The following ENOX1 variants were observed in gnomAD, a reference collection of about 807,000 sequenced individuals.
ENOX1 encodes the protein ecto-NOX disulfide-thiol exchanger 1, also known as candidate growth-related and time keeping constitutive hydroquinone (NADH) oxidase.
Under a neutral mutation model 82.5 loss-of-function variants are expected in ENOX1, and 42 were observed. The ratio of observed to expected loss-of-function variants is 0.51; its 90% CI spans 0.40 to 0.66. ENOX1 has a LOEUF of 0.66. Among genes scored for constraint, ENOX1 ranks in the 30% least tolerant of loss-of-function variants. The pLI, the probability that ENOX1 is intolerant of heterozygous loss-of-function variation, is 0.00. For synonymous variants in ENOX1, 271 were observed against 282.2 expected, an observed-to-expected ratio of 0.96 and a Z score of 0.40; for missense variants, 608 against 811.6, an observed-to-expected ratio of 0.75 and a Z score of 3.05.
At chr13:43,454,957 C>A (rs1451412576) in intron 3 of ENOX1, among the ~76,000 whole-genome samples, 1 of 151,994 alleles carries the variant, frequency 6.6e-6, no homozygotes, top group Admixed American at 6.5e-5. Flanking sequence ...GCCAGCTGCC[C>A]ACCTGTTGTC....
chr13:43,321,176 A>T, intron 11 of ENOX1: 1 of 456,242 alleles, frequency 2.2e-6, no homozygotes, highest in African/African-American at 2.0e-5. Context: ...TTTGGCATGC[A>T]TCAGAATTTC....
At chr13:43,756,761 T>C (rs1291073729) in intron 1 of ENOX1, among the ~76,000 whole-genome samples, 3 of 152,114 alleles carry the variant, frequency 2.0e-5, no homozygotes, top group Non-Finnish European at 2.9e-5. Context: ...GTCTGCATTA[T>C]GCATGTTACA....
At chr13:43,735,053 A>G (rs1339502441) in intron 1 of ENOX1, among the ~76,000 whole-genome samples, 1 of 152,220 alleles carries the variant, frequency 6.6e-6, no homozygotes, top group African/African-American at 2.4e-5. Context: ...TGTGCTTCAG[A>G]TATCCCAACT....
At chr13:43,593,357 G>T (rs944984052) in intron 2 of ENOX1, among the ~76,000 whole-genome samples, 4 of 152,120 alleles carry the variant, frequency 2.6e-5, no homozygotes, top group Non-Finnish European at 5.9e-5. Flanking sequence ...GAGGGTGAGT[G>T]GGGAGAGAGT....
At chr13:43,575,717 G>C (rs922782847) in intron 2 of ENOX1, among the ~76,000 whole-genome samples, 5 of 152,138 alleles carry the variant, frequency 3.3e-5, no homozygotes, top group African/African-American at 9.7e-5. Context: ...TAGATTCCTC[G>C]GTAATTTAGC....
At chr13:43,274,530 T>C (rs985645379) in intron 12 of ENOX1, among the ~76,000 whole-genome samples, 5 of 152,256 alleles carry the variant, frequency 3.3e-5, no homozygotes, top group African/African-American at 1.2e-4. Flanking sequence ...GTCTCTATAA[T>C]ATTCTTTCCA....
At chr13:43,352,872 C>T (rs140305631) in intron 8 of ENOX1, among the ~76,000 whole-genome samples, 112 of 152,302 alleles carry the variant, frequency 7.4e-4, no homozygotes, top group African/African-American at 2.6e-3. Context: ...TCCCCTGTGA[C>T]AGCACTGTGC....
At chr13:43,380,027 A>T (rs1213589245) in intron 5 of ENOX1, among the ~76,000 whole-genome samples, 5 of 151,246 alleles carry the variant, frequency 3.3e-5, no homozygotes, top group Admixed American at 6.6e-5. Context: ...AACTGAAATT[A>T]AAAAAAAATC....
chr13:43,249,530 G>T (rs990560713), intron 14 of ENOX1, among the ~76,000 whole-genome samples: 8 of 152,136 alleles, frequency 5.3e-5, no homozygotes, highest in African/African-American at 1.9e-4. Context: ...TGCTGGTAAA[G>T]ATTAATTTTA....
intron 2 of ENOX1, among the ~76,000 whole-genome samples, chr13:43,612,699 T>C (rs933877098): frequency 2.0e-5 from 3 of 152,182 alleles, no homozygotes; most frequent in Non-Finnish European, 4.4e-5. Flanking sequence ...TTCTCATAAA[T>C]TGTTCTTAGT....
chr13:43,668,412 C>T (rs1594334642), intron 1 of ENOX1, among the ~76,000 whole-genome samples: 1 of 152,158 alleles, frequency 6.6e-6, no homozygotes, highest in African/African-American at 2.4e-5. Flanking sequence ...ATCACAATTC[C>T]TCTATTATAA....
At chr13:43,347,091 T>A (rs1200846850) in intron 8 of ENOX1, among the ~76,000 whole-genome samples, 1 of 152,120 alleles carries the variant, frequency 6.6e-6, no homozygotes, top group Non-Finnish European at 1.5e-5. Context: ...GTCGCTTAGT[T>A]CATAAATAGA....
intron 3 of ENOX1, among the ~76,000 whole-genome samples, chr13:43,460,669 C>G (rs1214143075): frequency 6.6e-6 from 1 of 151,906 alleles, no homozygotes; most frequent in East Asian, 1.9e-4. Context: ...TGGCGGGCAC[C>G]TGTAGTTCCA....
At chr13:43,286,889 C>T (rs1377831466) in intron 12 of ENOX1, among the ~76,000 whole-genome samples, 2 of 152,092 alleles carry the variant, frequency 1.3e-5, no homozygotes, top group Admixed American at 6.6e-5. Context: ...TGGGTTTTTG[C>T]CAGTAATATT....
At position 43,470,315 on chromosome 13, in the gene ENOX1, TAC is replaced by T. The variant is rs1205932709; in HGVS notation, c.-75+13692_-75+13693del. 6.2e-4 allele frequency among the ~76,000 whole-genome samples: 33 copies of T among 53,294 alleles called. 3 individuals are homozygous for T. The highest frequency in any genetic ancestry group is 3.8e-4 in the Non-Finnish European group (9 of 23,450). 35.0% of individuals were successfully genotyped at this position (53,294 alleles called of 152,430 possible). A position where few individuals can be genotyped will look rare whatever the true frequency, so the allele number is the denominator to read the frequency against. ...ATATACACATATATATACATATATA[TAC>T]ACATATATATATGTATATATATACG... On this transcript the variant is annotated intron_variant, in intron 3 of 16. Coordinates refer to ENST00000690772, the MANE Select transcript of ENOX1 (RefSeq NM_001347969.2).
At chr13:43,633,052 G>A (rs1034608018) in intron 2 of ENOX1, among the ~76,000 whole-genome samples, 3 of 151,876 alleles carry the variant, frequency 2.0e-5, no homozygotes, top group Non-Finnish European at 4.4e-5. Flanking sequence ...AATGACTTTC[G>A]ATTTGACAAT....
At chr13:43,390,634 C>T (rs2052716543) in intron 5 of ENOX1, among the ~76,000 whole-genome samples, 1 of 152,104 alleles carries the variant, frequency 6.6e-6, no homozygotes, top group South Asian at 2.1e-4. Flanking sequence ...ATATTATCCC[C>T]TGAATCAAAT....
At chr13:43,551,371 C>T (rs1311706320) in intron 2 of ENOX1, among the ~76,000 whole-genome samples, 1 of 151,880 alleles carries the variant, frequency 6.6e-6, no homozygotes, top group African/African-American at 2.4e-5. Context: ...TGGGATGAAA[C>T]CAATTTGATC....
At chr13:43,437,155 G>A (rs965400939) in intron 3 of ENOX1, among the ~76,000 whole-genome samples, 2 of 152,054 alleles carry the variant, frequency 1.3e-5, no homozygotes, top group Admixed American at 6.6e-5. Flanking sequence ...AATACTTTTG[G>A]GGAAGGCCAT....
Sources: allele counts gnomAD v4.1 joint callset (sites outside exome capture counted in the v4.1 genomes callset), GRCh38; gene constraint gnomAD v4.1.1; transcripts MANE v1.5; gene names NCBI Gene and HGNC (gene_info 2026-07-23, HGNC 2026-07-21).